PTPRD: variants seen among roughly 807,000 people sequenced by gnomAD.
PTPRD encodes the protein receptor-type tyrosine-protein phosphatase delta.
Under a neutral mutation model 214.5 loss-of-function variants are expected in PTPRD, and 34 were observed. The ratio of observed to expected loss-of-function variants is 0.16; its 90% CI spans 0.12 to 0.21. The LOEUF (loss-of-function observed/expected upper bound fraction) is 0.21. Ranked by LOEUF, PTPRD falls within the 10% of genes least tolerant of loss-of-function variation. The probability of loss-of-function intolerance (pLI) is 1.00; values close to 1 mark genes in which losing one functional copy is unlikely to be tolerated. For missense variants in PTPRD, 2,545 were observed against 2,398.7 expected (o/e 1.06, Z -1.27); for synonymous variants, 1,128 against 845.7 (o/e 1.33, Z -5.79).
intron 9 of PTPRD, among the ~76,000 whole-genome samples, chr9:9,317,948 G>T (rs1469974773): frequency 6.6e-6 from 1 of 152,048 alleles, no homozygotes; most frequent in African/African-American, 2.4e-5. Context: ...AAGACAGGCG[G>T]ATCACTTGAG....
intron 3 of PTPRD, among the ~76,000 whole-genome samples, chr9:10,095,811 T>C (rs1238417257): frequency 6.6e-6 from 1 of 151,584 alleles, no homozygotes; most frequent in Non-Finnish European, 1.5e-5. Context: ...CATAATAGTT[T>C]GAATGATTTA....
intron 7 of PTPRD, among the ~76,000 whole-genome samples, chr9:9,723,590 C>G (rs1353280428): frequency 1.3e-5 from 2 of 152,012 alleles, no homozygotes; most frequent in Admixed American, 6.6e-5. Flanking sequence ...ATTGAGATTA[C>G]ATTGAGGTTG....
chr9:10,494,774 G>C (rs1032801420), intron 2 of PTPRD, among the ~76,000 whole-genome samples: 1 of 151,006 alleles, frequency 6.6e-6, no homozygotes, highest in Non-Finnish European at 1.5e-5. Flanking sequence ...ATTAATCATA[G>C]TATATTTAAT....
intron 8 of PTPRD, among the ~76,000 whole-genome samples, chr9:9,523,922 G>C (rs893485856): frequency 6.6e-6 from 1 of 152,052 alleles, no homozygotes; most frequent in Non-Finnish European, 1.5e-5. Flanking sequence ...GCTTCCGACG[G>C]GCTGACTTCA....
intron 3 of PTPRD, among the ~76,000 whole-genome samples, chr9:10,297,176 T>C (rs1272031640): frequency 6.7e-6 from 1 of 150,374 alleles, no homozygotes; most frequent in Non-Finnish European, 1.5e-5. Context: ...GTGCACCATG[T>C]GCAGGTTTGT....
chr9:8,519,681 T>C (rs2097852731), intron 20 of PTPRD, among the ~76,000 whole-genome samples: 1 of 152,204 alleles, frequency 6.6e-6, no homozygotes, highest in South Asian at 2.1e-4. Flanking sequence ...GTTAACTGAA[T>C]AAATGAGTCA....
chr9:10,012,855 C>A (rs528645064), intron 4 of PTPRD, among the ~76,000 whole-genome samples: 1 of 151,944 alleles, frequency 6.6e-6, no homozygotes, highest in African/African-American at 2.4e-5. Context: ...AACTCCAAAG[C>A]ACAAAATAAC....
chr9:9,223,813 TGG>T (rs1288248763), intron 9 of PTPRD, among the ~76,000 whole-genome samples: 5 of 152,018 alleles, frequency 3.3e-5, no homozygotes, highest in Non-Finnish European at 5.9e-5. Flanking sequence ...GATATGTCTC[TGG>T]TGAAGAGTTC....
chr9:8,919,270 G>A (rs2098808312), intron 11 of PTPRD, among the ~76,000 whole-genome samples: 1 of 151,972 alleles, frequency 6.6e-6, no homozygotes, highest in Non-Finnish European at 1.5e-5. Context: ...GTGCACACCT[G>A]TAGTCCCAGT....
intron 22 of PTPRD, among the ~76,000 whole-genome samples, chr9:8,506,222 A>G (rs1405784862): frequency 6.6e-6 from 1 of 152,242 alleles, no homozygotes; most frequent in Non-Finnish European, 1.5e-5. Context: ...TTATTAGAAC[A>G]CAGGGACTGT....
intron 8 of PTPRD, among the ~76,000 whole-genome samples, chr9:9,400,991 C>T (rs2070185850): frequency 6.6e-6 from 1 of 151,764 alleles, no homozygotes; most frequent in African/African-American, 2.4e-5. Context: ...TGGATATTGT[C>T]CCAATATTGT....
chr9:10,357,720 G>C (rs2097303979), intron 2 of PTPRD, among the ~76,000 whole-genome samples: 1 of 152,208 alleles, frequency 6.6e-6, no homozygotes, highest in Non-Finnish European at 1.5e-5. Flanking sequence ...AGGCAGAGCA[G>C]CTGGAGATGC....
intron 12 of PTPRD, among the ~76,000 whole-genome samples, chr9:8,646,407 G>A (rs1468319749): frequency 6.6e-6 from 1 of 152,124 alleles, no homozygotes; most frequent in Admixed American, 6.5e-5. Context: ...ACTAACACCA[G>A]AAATACTGTT....
intron 35 of PTPRD, among the ~76,000 whole-genome samples, chr9:8,406,454 C>T (rs766487015): frequency 1.3e-4 from 20 of 152,312 alleles, no homozygotes; most frequent in Middle Eastern, 3.4e-3. Flanking sequence ...CATACTGCTG[C>T]CAAAGTTGTC....
At chr9:8,796,971 G>C (rs1191930754) in intron 11 of PTPRD, among the ~76,000 whole-genome samples, 1 of 151,776 alleles carries the variant, frequency 6.6e-6, no homozygotes, top group South Asian at 2.1e-4. Flanking sequence ...AATAATCCAA[G>C]TAAAATTTTC....
chr9:10,022,374 C>A (rs1395673701), intron 4 of PTPRD, among the ~76,000 whole-genome samples: 1 of 141,204 alleles, frequency 7.1e-6, no homozygotes, highest in Admixed American at 7.3e-5. Flanking sequence ...TGCTCTCATA[C>A]ATACCTTTCT....
intron 3 of PTPRD, among the ~76,000 whole-genome samples, chr9:10,211,156 A>C (rs559434086): frequency 2.4e-4 from 36 of 152,122 alleles, no homozygotes; most frequent in Non-Finnish European, 4.4e-4. Context: ...GTAAGCAATT[A>C]ATTTCTTTAT....
At position 9,864,495 on chromosome 9, in the gene PTPRD, G is replaced by A. The variant is rs572341213; in HGVS notation, c.-368+74012C>T. ...AACACTAATATACAGTTTCTGTTTC[G>A]GATTTTGTTGTTTGTTTTTACTTTT... On this transcript the variant is annotated intron_variant, in intron 5 of 45. Transcript: ENST00000381196. 4.6e-5 allele frequency among the ~76,000 whole-genome samples: 7 copies of A among 151,998 alleles called. No homozygotes were observed. The South Asian group carries it at 6.2e-4, about 14-fold the overall frequency.
In PTPRD at chr9:10,410,841, G is replaced by T. The variant is rs74944704; in HGVS notation, c.-599-69824C>A. ...ACACTGTTTTACTGATAATATGAAT[G>T]AGTGGTTAAGACTAGTGTGTTTGGA... On this transcript the variant is annotated intron_variant, in intron 2 of 45. Coordinates refer to ENST00000381196, the MANE Select transcript of PTPRD (RefSeq NM_002839.4). Among the ~76,000 whole-genome samples, 114 of 151,838 alleles carry T rather than the reference G, an allele frequency of 7.5e-4. No homozygotes were observed. The East Asian group carries it at 0.014, about 18-fold the overall frequency.
Sources: allele counts gnomAD v4.1 joint callset (sites outside exome capture counted in the v4.1 genomes callset), GRCh38; gene constraint gnomAD v4.1.1; transcripts MANE v1.5; gene names NCBI Gene and HGNC (gene_info 2026-07-23, HGNC 2026-07-21).